The following ZBTB43 variants were observed in gnomAD, a reference collection of about 807,000 sequenced individuals.
The protein encoded by ZBTB43 is zinc finger and BTB domain containing 43, also known as zinc finger and BTB domain-containing protein 43.
ZBTB43 carries 6 observed loss-of-function variants against 31.1 expected under a neutral mutation model. The observed-to-expected ratio is 0.19, with a 90% CI of 0.11 to 0.38. The LOEUF (loss-of-function observed/expected upper bound fraction) is 0.38, where lower values mean the gene tolerates loss of function less well. Ranked by LOEUF, ZBTB43 falls within the 10% of genes least tolerant of loss-of-function variation. The pLI, the probability that ZBTB43 is intolerant of heterozygous loss-of-function variation, is 1.00. For missense variants in ZBTB43, 379 were observed against 602.1 expected (o/e 0.63, Z 3.88); for synonymous variants, 212 against 221.7 (o/e 0.96, Z 0.39).
intron 2 of ZBTB43, among the ~76,000 whole-genome samples, chr9:126,811,933 T>C (rs1305354216): frequency 6.6e-6 from 1 of 152,222 alleles, no homozygotes; most frequent in Non-Finnish European, 1.5e-5. Context: ...CACATTACTC[T>C]TTTTTAAACA....
chr9:126,815,258 T>C (rs1474516711), intron 2 of ZBTB43, among the ~76,000 whole-genome samples: 1 of 135,136 alleles, frequency 7.4e-6, no homozygotes, highest in Non-Finnish European at 1.5e-5. Context: ...ATATATAGTT[T>C]TCAATATATA....
chr9:126,824,174 G>A lies in ZBTB43; in HGVS notation c.-23-8313G>A, dbSNP rs12006179. On this transcript the variant is annotated intron_variant, in intron 2 of 2. Coordinates refer to ENST00000373464, the MANE Select transcript of ZBTB43 (RefSeq NM_014007.4). ...CCCAAGTAACTGGGATTACAGGTGC[G>A]CACCACCACGCCTGGCTAATTTTTG... Among the ~76,000 whole-genome samples, 350 of 152,140 alleles carry A rather than the reference G, an allele frequency of 2.3e-3. 3 individuals are homozygous for A. Among genetic ancestry groups the A allele is most frequent in the African/African-American group, 7.1e-3 (296 of 41,516 alleles).
chr9:126,834,312 G>C lies in ZBTB43; in HGVS notation c.*399G>C, dbSNP rs139826158. On this transcript the variant is annotated 3_prime_UTR_variant, in exon 3 of 3. Coordinates refer to ENST00000373464, the MANE Select transcript of ZBTB43 (RefSeq NM_014007.4). ...GAAATTTTATTTTGCTCTTGCTATA[G>C]ATACTTAGGTAATGTGGATTTGTTT... 1.9e-3 allele frequency: 341 copies of C among 175,930 alleles called. 3 individuals are homozygous for C. The highest frequency in any genetic ancestry group is 7.1e-3 in the African/African-American group (297 of 41,838). 10.9% of individuals were successfully genotyped at this position (175,930 alleles called of 1,614,324 possible). A position where few individuals can be genotyped will look rare whatever the true frequency, so the allele number is the denominator to read the frequency against.
rs562454402 is a variant in ZBTB43, at chr9:126,816,918, T to C, written c.-24+8003T>C. Reference sequence around the variant, plus strand: ...CCTTCTGCCAAGGTAATGTGCAACCTTTGGTATCCTAATACCACCCACCTC... The same window carrying C: ...CCTTCTGCCAAGGTAATGTGCAACCCTTGGTATCCTAATACCACCCACCTC... On this transcript the variant is annotated intron_variant, in intron 2 of 2. Coordinates refer to ENST00000373464, the MANE Select transcript of ZBTB43 (RefSeq NM_014007.4). Among the ~76,000 whole-genome samples, 7 of 152,194 alleles carry C rather than the reference T, an allele frequency of 4.6e-5. No individual in the cohort carries two copies. The East Asian group carries it at 1.2e-3, about 25-fold the overall frequency.
At chr9:126,814,794 A>AAAAG (rs531013487) in intron 2 of ZBTB43, among the ~76,000 whole-genome samples, 239 of 152,216 alleles carry the variant, frequency 1.6e-3, no homozygotes, top group African/African-American at 4.2e-3. Flanking sequence ...CTCTGTCTAA[A>AAAAG]AAAGAAAGAA....
chr9:126,821,859 CAT>C (rs2032518255), intron 2 of ZBTB43, among the ~76,000 whole-genome samples: 1 of 152,080 alleles, frequency 6.6e-6, no homozygotes, highest in African/African-American at 2.4e-5. Context: ...TTTCCTAAAA[CAT>C]GAGATTTTTT....
intron 1 of ZBTB43, among the ~76,000 whole-genome samples, chr9:126,806,135 T>G (rs920457282): frequency 6.6e-6 from 1 of 152,194 alleles, no homozygotes; most frequent in Admixed American, 6.6e-5. Context: ...CTCTATCCAC[T>G]CACCACAGGA....
At chr9:126,815,285 GTTTTCAA>G (rs2032354973) in intron 2 of ZBTB43, among the ~76,000 whole-genome samples, 4 of 114,540 alleles carry the variant, frequency 3.5e-5, no homozygotes, top group Non-Finnish European at 7.3e-5. Context: ...TATATATATA[GTTTTCAA>G]TATATAAAAC....
intron 2 of ZBTB43, among the ~76,000 whole-genome samples, chr9:126,819,253 C>T (rs2032458268): frequency 6.8e-6 from 1 of 147,308 alleles, no homozygotes; most frequent in Non-Finnish European, 1.5e-5. Flanking sequence ...ACAGGCATAC[C>T]TCATTTTGTG....
At chr9:126,815,251 TATA>T in intron 2 of ZBTB43, among the ~76,000 whole-genome samples, 1 of 137,212 alleles carries the variant, frequency 7.3e-6, no homozygotes, top group Non-Finnish European at 1.5e-5. Flanking sequence ...ACTATATATA[TATA>T]GTTTTCAATA....
chr9:126,822,427 A>G lies in ZBTB43; in HGVS notation c.-23-10060A>G, dbSNP rs558853592. Among the ~76,000 whole-genome samples, 21 of 152,298 alleles carry G rather than the reference A, an allele frequency of 1.4e-4. No individual in the cohort carries two copies. In the East Asian group the frequency reaches 2.9e-3, roughly 21 times the overall value. ...TGTGAAAGAATCAATTGATGTGGCA[A>G]ACTTCACTGTTGTCCTATTTTAAGA... On this transcript the variant is annotated intron_variant, in intron 2 of 2. Transcript: ENST00000373464.
At chr9:126,813,810 T>C (rs1236063460) in intron 2 of ZBTB43, among the ~76,000 whole-genome samples, 1 of 152,216 alleles carries the variant, frequency 6.6e-6, no homozygotes. Flanking sequence ...ATAAAATTTA[T>C]GAATTTTCTC....
Position 126,827,923 on chromosome 9 carries a change from G to T in ZBTB43, c.-23-4564G>T, listed in dbSNP as rs189443171. 4.6e-5 allele frequency among the ~76,000 whole-genome samples: 7 copies of T among 152,158 alleles called. No individual in the cohort carries two copies. In the East Asian group the frequency reaches 1.4e-3, roughly 30 times the overall value. ...AGCTACTTGGGAGGCTGAGGCAGGAGAATCAATCGCTTGAACCCAGGAGGC... is the reference window on the plus strand; with the variant it reads ...AGCTACTTGGGAGGCTGAGGCAGGATAATCAATCGCTTGAACCCAGGAGGC... On this transcript the variant is annotated intron_variant, in intron 2 of 2. Coordinates refer to ENST00000373464, the MANE Select transcript of ZBTB43 (RefSeq NM_014007.4).
rs2032820066 is a variant in ZBTB43 at position 126,833,625 on chromosome 9, G to A, written c.1116G>A (p.Leu372=). ...TAGGATTCTCAGCCACTGACAAGCT[G>A]TATCCTTGTCAGTGTGGGAAAAGTT... ...SHLGFSATDK[L]YPCQCGKSFT... The change falls in exon 3 of 3, where the codon CTG becomes CTA. Residue 372 remains leucine (L), a synonymous_variant. Coordinates refer to ENST00000373464, the MANE Select transcript of ZBTB43 (RefSeq NM_014007.4). This position sits in a 1 kb window ranked among gnomAD's most constrained non-coding sequence, Gnocchi z 7.9. 12 of 1,614,002 alleles carry A rather than the reference G, an allele frequency of 7.4e-6. No homozygotes were observed. The highest frequency in any genetic ancestry group is 9.3e-6 in the Non-Finnish European group (11 of 1,179,910).
In ZBTB43 at chr9:126,835,358, CAGGG is replaced by C. The variant is rs2119176770; in HGVS notation, c.*1446_*1449del. 6.0e-6 allele frequency: 1 copy of C among 167,154 alleles called. No individual in the cohort carries two copies. The highest frequency in any genetic ancestry group is 2.1e-4 in the South Asian group (1 of 4,826). The allele number at this position is 167,154 out of a possible 1,614,324, so 10.4% of individuals were successfully genotyped here. On this transcript the variant is annotated 3_prime_UTR_variant, in exon 3 of 3. Coordinates refer to ENST00000373464, the MANE Select transcript of ZBTB43 (RefSeq NM_014007.4). ...TGTGTAACATACCTGAGGTTATCAC[CAGGG>C]TAGGACAGGGTGCTACTACCATGTC...
intron 2 of ZBTB43, among the ~76,000 whole-genome samples, chr9:126,811,376 T>A (rs564500815): frequency 1.3e-5 from 2 of 152,304 alleles, no homozygotes; most frequent in East Asian, 3.9e-4. Flanking sequence ...TATCTCCAAT[T>A]CTGTACAATG....
intron 2 of ZBTB43, among the ~76,000 whole-genome samples, chr9:126,828,187 A>AT (rs1432109447): frequency 1.6e-4 from 24 of 151,390 alleles, no homozygotes; most frequent in African/African-American, 4.8e-4. Context: ...TTTATTATTT[A>AT]TTTATTTTTT....
At chr9:126,815,627 A>G (rs114244403) in intron 2 of ZBTB43, among the ~76,000 whole-genome samples, 1,466 of 133,662 alleles carry the variant, frequency 0.011, 23 homozygotes, top group African/African-American at 0.039. Context: ...TTAAATTTCT[A>G]GATGTTTTAT....
intron 2 of ZBTB43, among the ~76,000 whole-genome samples, chr9:126,831,203 T>C (rs1453616379): frequency 1.3e-5 from 2 of 152,206 alleles, no homozygotes; most frequent in Non-Finnish European, 2.9e-5. Context: ...TCTAGTCTAA[T>C]GGTCTCCTTT....
Sources: allele counts gnomAD v4.1 joint callset (sites outside exome capture counted in the v4.1 genomes callset), GRCh38; gene constraint gnomAD v4.1.1; non-coding constraint Gnocchi (gnomAD v3.1); transcripts MANE v1.5; gene names NCBI Gene and HGNC (gene_info 2026-07-23, HGNC 2026-07-21).